The following TMEM248 variants were observed in gnomAD, a reference collection of about 807,000 sequenced individuals.
TMEM248 encodes transmembrane protein 248.
In TMEM248, 9 loss-of-function variants were observed where a neutral mutation model predicts 30.3. The ratio of observed to expected loss-of-function variants is 0.30; its 90% CI spans 0.18 to 0.52. The LOEUF (loss-of-function observed/expected upper bound fraction) is 0.52. TMEM248 is among the 20% of genes least tolerant of loss of function. TMEM248 has a pLI of 0.97. For missense variants in TMEM248, 338 were observed against 403.3 expected (o/e 0.84, Z 1.39); for synonymous variants, 184 against 154.4 (o/e 1.19, Z -1.42).
chr7:66,927,199 G>T (rs1030471276), intron 1 of TMEM248, among the ~76,000 whole-genome samples: 1 of 152,070 alleles, frequency 6.6e-6, no homozygotes, highest in Non-Finnish European at 1.5e-5. Flanking sequence ...GAAGCGGGGG[G>T]GTTGAACGTT....
In TMEM248 at chr7:66,953,363, C is replaced by G; in HGVS notation, c.918C>G (p.Pro306=). ...GTCAGAGCAATCCTGAATTTTGTCC[C>G]GAGAAGGTGAGCGGTGGATGGGGTC... is the stretch of plus-strand genomic sequence containing the variant. ...KLRQSNPEFC[P]EKVALAEA The change falls in exon 6 of 7, where the codon CCC becomes CCG. Residue 306 remains proline (P), a synonymous_variant. Coordinates refer to ENST00000341567, the MANE Select transcript of TMEM248 (RefSeq NM_017994.5). 1 of 1,613,852 alleles carries G rather than the reference C, an allele frequency of 6.2e-7. No individual in the cohort carries two copies. The highest frequency in any genetic ancestry group is 8.5e-7 in the Non-Finnish European group (1 of 1,179,848).
intron 1 of TMEM248, among the ~76,000 whole-genome samples, chr7:66,926,047 ATTTG>A (rs772760279): frequency 1.3e-5 from 2 of 152,112 alleles, no homozygotes; most frequent in Non-Finnish European, 2.9e-5. Flanking sequence ...TCTCACCAGC[ATTTG>A]TTTTTCTTTG....
At chr7:66,950,714 C>G (rs949987458) in intron 4 of TMEM248, among the ~76,000 whole-genome samples, 2 of 152,148 alleles carry the variant, frequency 1.3e-5, no homozygotes, top group African/African-American at 4.8e-5. Flanking sequence ...AATCCAACAC[C>G]CAAACTCCTA....
In TMEM248 at chr7:66,924,286, C is replaced by G. The variant is rs150139777; in HGVS notation, c.-19+2825C>G. Among the ~76,000 whole-genome samples the G allele has an allele frequency of 2.8e-4, 42 of 152,276 alleles. 1 individual carries two copies. In the East Asian group the frequency reaches 7.3e-3, roughly 27 times the overall value. The stretch of plus-strand genomic sequence containing the variant: ...CCATGTCACAGAGATGGTGTGTTTC[C>G]CTTGCCCAGTACTGAAGAACCTTTG... On this transcript the variant is annotated intron_variant, in intron 1 of 6. Coordinates refer to ENST00000341567, the MANE Select transcript of TMEM248 (RefSeq NM_017994.5).
intron 1 of TMEM248, among the ~76,000 whole-genome samples, chr7:66,936,775 G>C (rs1235083669): frequency 6.6e-6 from 1 of 152,148 alleles, no homozygotes; most frequent in Admixed American, 6.6e-5. Context: ...ATGATCCTTT[G>C]AAGTCCTGTG....
At chr7:66,953,943 T>C (rs549304108) in intron 6 of TMEM248, among the ~76,000 whole-genome samples, 33 of 109,854 alleles carry the variant, frequency 3.0e-4, no homozygotes, top group African/African-American at 8.4e-4. Flanking sequence ...TACTTTCTTT[T>C]TTTTTTTTTT....
At chr7:66,949,731 A>G (rs1338181907) in intron 4 of TMEM248, among the ~76,000 whole-genome samples, 3 of 152,196 alleles carry the variant, frequency 2.0e-5, no homozygotes, top group East Asian at 1.9e-4. Flanking sequence ...TTTCCATTAA[A>G]CAATTAAGGT....
intron 2 of TMEM248, 79 bp from the exon 3 acceptor site, chr7:66,944,897 C>G: frequency 1.3e-6 from 2 of 1,495,762 alleles, no homozygotes; most frequent in Non-Finnish European, 1.8e-6. Context: ...CGGTGCCACA[C>G]TGGGGTCTTA....
At chr7:66,922,774 C>G (rs1791419876) in intron 1 of TMEM248, among the ~76,000 whole-genome samples, 1 of 151,878 alleles carries the variant, frequency 6.6e-6, no homozygotes, top group Non-Finnish European at 1.5e-5. Flanking sequence ...GGTGCGATCT[C>G]TGCTCACTGC....
intron 6 of TMEM248, among the ~76,000 whole-genome samples, chr7:66,953,939 CTTTTTTTTTT>C (rs34925648): frequency 2.4e-5 from 2 of 83,984 alleles, no homozygotes; most frequent in African/African-American, 4.9e-5. Context: ...AGATTACTTT[CTTTTTTTTTT>C]TTTTTTTTTT....
In TMEM248 at chr7:66,929,625, T is replaced by C. The variant is rs529358861; in HGVS notation, c.-19+8164T>C. Among the ~76,000 whole-genome samples the C allele has an allele frequency of 1.4e-4, 21 of 151,796 alleles. 1 individual carries two copies. Among genetic ancestry groups the C allele is most frequent in the African/African-American group, 5.1e-4 (21 of 41,422 alleles). ...CTAATTTTTGTATTTTTATTAGAGATGGGGTTTCATGTTGGCCAGGATGCT... is the reference window on the plus strand; with the variant it reads ...CTAATTTTTGTATTTTTATTAGAGACGGGGTTTCATGTTGGCCAGGATGCT... On this transcript the variant is annotated intron_variant, in intron 1 of 6. Coordinates refer to ENST00000341567, the MANE Select transcript of TMEM248 (RefSeq NM_017994.5).
Position 66,958,342 on chromosome 7 carries a change from T to A in TMEM248, c.*2820T>A, listed in dbSNP as rs1792449987. 1 of 152,720 alleles carries A rather than the reference T, an allele frequency of 6.5e-6. No homozygotes were observed. The highest frequency in any genetic ancestry group is 2.4e-5 in the African/African-American group (1 of 41,466). The allele number at this position is 152,720 out of a possible 1,614,324, so 9.5% of individuals were successfully genotyped here. ...GTCGTGAGGCACCTGCCATGTCTGTTGCGTTTTCCTCGGCAGCGTGTAGGG... is the reference window on the plus strand; with the variant it reads ...GTCGTGAGGCACCTGCCATGTCTGTAGCGTTTTCCTCGGCAGCGTGTAGGG... On this transcript the variant is annotated 3_prime_UTR_variant, in exon 7 of 7. Coordinates refer to ENST00000341567, the MANE Select transcript of TMEM248 (RefSeq NM_017994.5).
intron 2 of TMEM248, 50 bp downstream of exon 2, chr7:66,942,074 G>A (rs1283638332): frequency 6.3e-7 from 1 of 1,579,150 alleles, no homozygotes; most frequent in Non-Finnish European, 8.6e-7. Flanking sequence ...TGTGCAGTGG[G>A]GCAACACCCT....
At position 66,948,541 on chromosome 7, in the gene TMEM248, TAGGC is replaced by T; in HGVS notation, c.447_450del (p.Arg150LysfsTer6). On this transcript the variant is annotated splice_acceptor_variant and coding_sequence_variant, in exon 4 of 7. Transcript: ENST00000341567. LOFTEE classifies it high-confidence loss of function. Reference sequence around the variant, plus strand: ...TTATAAAAAAATGATTTCTCTTTCATAGGCAGGGAAGCCCACGAGGAGATAAACA... The same window carrying T: ...TTATAAAAAAATGATTTCTCTTTCATAGGGAAGCCCACGAGGAGATAAACA... 1 of 1,612,626 alleles carries T rather than the reference TAGGC, an allele frequency of 6.2e-7. No individual in the cohort carries two copies. Among genetic ancestry groups the T allele is most frequent in the Non-Finnish European group, 8.5e-7 (1 of 1,179,354 alleles).
chr7:66,934,403 G>A (rs1273553593), intron 1 of TMEM248, among the ~76,000 whole-genome samples: 1 of 152,170 alleles, frequency 6.6e-6, no homozygotes, highest in Non-Finnish European at 1.5e-5. Context: ...GTTTCATCAT[G>A]TCAGTCAGGC....
chr7:66,926,662 A>C (rs1261915745), intron 1 of TMEM248, among the ~76,000 whole-genome samples: 2 of 151,986 alleles, frequency 1.3e-5, no homozygotes, highest in Non-Finnish European at 2.9e-5. Context: ...AAAGAAAAGA[A>C]AGAAAAATGG....
chr7:66,956,407 C>G lies in TMEM248; in HGVS notation c.*885C>G, dbSNP rs756872748. On this transcript the variant is annotated 3_prime_UTR_variant, in exon 7 of 7. Coordinates refer to ENST00000341567, the MANE Select transcript of TMEM248 (RefSeq NM_017994.5). Reference sequence around the variant, plus strand: ...TCTAGAGTTAGAGTGACTGTTTGCTCTTCTGCTTTCTGGAATGCAGATGAC... The same window carrying G: ...TCTAGAGTTAGAGTGACTGTTTGCTGTTCTGCTTTCTGGAATGCAGATGAC... The G allele has an allele frequency of 1.3e-5, 2 of 152,174 alleles. No individual in the cohort carries two copies. The highest frequency in any genetic ancestry group is 2.4e-5 in the African/African-American group (1 of 41,436). 9.4% of individuals were successfully genotyped at this position (152,174 alleles called of 1,614,324 possible).
At position 66,921,463 on chromosome 7, in the gene TMEM248, T is replaced by TGAGCCGGGGC. The variant is rs1199204075; in HGVS notation, c.-19+3_-19+12dup. ...CGCGCAGCTGCCCGCCGGGGCGGGG[T>TGAGCCGGGGC]GAGCCGGGGCTGGAGGGCGGGCTGG... On this transcript the variant is annotated splice_region_variant and intron_variant, in intron 1 of 6. Coordinates refer to ENST00000341567, the MANE Select transcript of TMEM248 (RefSeq NM_017994.5). 1 of 150,014 alleles carries TGAGCCGGGGC rather than the reference T, an allele frequency of 6.7e-6. No individual in the cohort carries two copies. Among genetic ancestry groups the TGAGCCGGGGC allele is most frequent in the East Asian group, 2.0e-4 (1 of 5,122 alleles). The allele number at this position is 150,014 out of a possible 1,614,324, so 9.3% of individuals were successfully genotyped here. A position where few individuals can be genotyped will look rare whatever the true frequency, so the allele number is the denominator to read the frequency against.
intron 1 of TMEM248, among the ~76,000 whole-genome samples, chr7:66,936,900 A>C (rs1247751629): frequency 6.6e-6 from 1 of 151,708 alleles, no homozygotes; most frequent in Non-Finnish European, 1.5e-5. Context: ...TTGATCTTTT[A>C]TATTTTTTTG....
Sources: allele counts gnomAD v4.1 joint callset (sites outside exome capture counted in the v4.1 genomes callset), GRCh38; gene constraint gnomAD v4.1.1; transcripts MANE v1.5; gene names NCBI Gene and HGNC (gene_info 2026-07-23, HGNC 2026-07-21).